TRAP1: variants seen among roughly 807,000 people sequenced by gnomAD.
The protein encoded by TRAP1 is heat shock protein 75 kDa, mitochondrial.
In TRAP1, 102 loss-of-function variants were observed where a neutral mutation model predicts 89.1. The ratio of observed to expected loss-of-function variants is 1.15; its 90% CI spans 0.98 to 1.35. The LOEUF is 1.35. TRAP1 is among the 40% of genes most tolerant of loss of function. The pLI, the probability that TRAP1 is intolerant of heterozygous loss-of-function variation, is 0.00. For missense variants in TRAP1, 1,256 were observed against 945.3 expected (o/e 1.33, Z -4.31); for synonymous variants, 508 against 388.0 (o/e 1.31, Z -3.64).
At chr16:3,669,477 T>C (rs986179914) in intron 11 of TRAP1, among the ~76,000 whole-genome samples, 2 of 152,278 alleles carry the variant, frequency 1.3e-5, no homozygotes, top group African/African-American at 4.8e-5. Flanking sequence ...TATATAGTTA[T>C]ATCTTCCGAC....
chr16:3,675,005 C>G (rs2151255146), intron 8 of TRAP1: 1 of 368,568 alleles, frequency 2.7e-6, no homozygotes, highest in Middle Eastern at 7.8e-4. Context: ...ATGGGATGTT[C>G]TGGAATTGAT....
intron 9 of TRAP1, among the ~76,000 whole-genome samples, chr16:3,673,341 C>T (rs1567229575): frequency 6.6e-6 from 1 of 152,232 alleles, no homozygotes; most frequent in African/African-American, 2.4e-5. Flanking sequence ...CTTCCTCACC[C>T]GGCAGGGTTA....
At chr16:3,688,764 A>T (rs531744084) in intron 3 of TRAP1, among the ~76,000 whole-genome samples, 1 of 152,264 alleles carries the variant, frequency 6.6e-6, no homozygotes, top group South Asian at 2.1e-4. Context: ...GTTCCCAGGC[A>T]TGAGCCACCA....
Position 3,664,314 on chromosome 16 carries a change from T to TGCTC in TRAP1, c.1525_1528dup (p.His510ArgfsTer7). 1 of 1,611,184 alleles carries TGCTC rather than the reference T, an allele frequency of 6.2e-7. No homozygotes were observed. The highest frequency in any genetic ancestry group is 8.5e-7 in the Non-Finnish European group (1 of 1,179,132). ...CTTCATGGCCTCATAGTAGGGTGAG[T>TGCTC]GCTCTGCCAGGTGACGGTTGGGGGC... On this transcript the variant is annotated frameshift_variant, in exon 13 of 18. Coordinates refer to ENST00000246957, the MANE Select transcript of TRAP1 (RefSeq NM_016292.3). LOFTEE classifies it high-confidence loss of function.
At chr16:3,670,853 C>T (rs941111346) in intron 11 of TRAP1, among the ~76,000 whole-genome samples, 4 of 152,168 alleles carry the variant, frequency 2.6e-5, no homozygotes, top group African/African-American at 9.7e-5. Context: ...CAGGAAACCA[C>T]ACTGCCCACC....
intron 9 of TRAP1, 133 bp downstream of exon 9, chr16:3,674,206 C>G: frequency 7.9e-7 from 1 of 1,262,192 alleles, no homozygotes; most frequent in Non-Finnish European, 1.1e-6. Flanking sequence ...CAGGCGTGAG[C>G]CACCACACCC....
At position 3,701,201 on chromosome 16, in the gene TRAP1, A is replaced by T. The variant is rs370353738; in HGVS notation, c.89-10216T>A. Among the ~76,000 whole-genome samples, 71 of 152,360 alleles carry T rather than the reference A, an allele frequency of 4.7e-4. No individual in the cohort carries two copies. In the South Asian group the frequency reaches 0.014, roughly 30 times the overall value. On this transcript the variant is annotated intron_variant, in intron 1 of 17. Coordinates refer to ENST00000246957, the MANE Select transcript of TRAP1 (RefSeq NM_016292.3). ...TCAAAATAAAAAATATTATTAGGAA[A>T]AAAGAAGGATATTTCAGAATACTAC...
chr16:3,674,290 G>A lies in TRAP1; in HGVS notation c.1044+49C>T, dbSNP rs1352311128. On this transcript the variant is annotated intron_variant, in intron 9 of 17. Coordinates refer to ENST00000246957, the MANE Select transcript of TRAP1 (RefSeq NM_016292.3). Reference sequence around the variant, plus strand: ...GACATCTGCAGAGCTGATGCCACAGGGGACAACAGAGTCACCCTGAGGGCC... The same window carrying A: ...GACATCTGCAGAGCTGATGCCACAGAGGACAACAGAGTCACCCTGAGGGCC... 6 of 1,602,630 alleles carry A rather than the reference G, an allele frequency of 3.7e-6. No homozygotes were observed. The Admixed American group carries it at 8.4e-5, about 22-fold the overall frequency.
At chr16:3,686,681 A>G (rs999535615) in intron 3 of TRAP1, among the ~76,000 whole-genome samples, 5 of 152,104 alleles carry the variant, frequency 3.3e-5, no homozygotes, top group African/African-American at 9.7e-5. Flanking sequence ...CTTTAAGAAG[A>G]GCCCTCTGGC....
intron 8 of TRAP1, 58 bp from the exon 9 acceptor site, chr16:3,674,552 A>C (rs775022874): frequency 6.3e-7 from 1 of 1,584,042 alleles, no homozygotes; most frequent in Admixed American, 1.7e-5. Context: ...CTTCTCCACC[A>C]CCGTGCAGGC....
At chr16:3,662,736 G>A (rs2043158659) in intron 15 of TRAP1, 146 bp downstream of exon 15, 1 of 760,766 alleles carries the variant, frequency 1.3e-6, no homozygotes, top group Non-Finnish European at 2.3e-6. Flanking sequence ...GTGCCGAGCA[G>A]GGACCCACAG....
chr16:3,658,630 G>C, intron 17 of TRAP1, 163 bp downstream of exon 17: 1 of 675,614 alleles, frequency 1.5e-6, no homozygotes. Context: ...CCAAGATCGC[G>C]CCACTGCACT....
At chr16:3,698,387 T>G (rs916251549) in intron 1 of TRAP1, among the ~76,000 whole-genome samples, 2 of 151,722 alleles carry the variant, frequency 1.3e-5, no homozygotes, top group South Asian at 2.1e-4. Flanking sequence ...CTCGGCTCAC[T>G]GCAAGCTCCG....
chr16:3,698,927 G>A lies in TRAP1; in HGVS notation c.89-7942C>T, dbSNP rs1262962520. Reference sequence around the variant, plus strand: ...ATTAAAAAAAAAATAAACCATTAGAGGAATAAATCTGCCTGAACCAGATAC... The same window carrying A: ...ATTAAAAAAAAAATAAACCATTAGAAGAATAAATCTGCCTGAACCAGATAC... On this transcript the variant is annotated intron_variant, in intron 1 of 17. Coordinates refer to ENST00000246957, the MANE Select transcript of TRAP1 (RefSeq NM_016292.3). 2.0e-5 allele frequency among the ~76,000 whole-genome samples: 3 copies of A among 152,042 alleles called. No homozygotes were observed. In the East Asian group the frequency reaches 5.8e-4, roughly 29 times the overall value.
chr16:3,674,947 G>A, intron 8 of TRAP1: 1 of 324,258 alleles, frequency 3.1e-6, no homozygotes, highest in East Asian at 6.9e-5. Flanking sequence ...GACCGTGGCT[G>A]CTGGGACTGG....
intron 3 of TRAP1, among the ~76,000 whole-genome samples, chr16:3,688,528 G>T (rs958035351): frequency 6.6e-6 from 1 of 152,058 alleles, no homozygotes; most frequent in Non-Finnish European, 1.5e-5. Context: ...TGTTGTGCAG[G>T]TCAGTGTAGT....
At chr16:3,710,800 C>T (rs190179382) in intron 1 of TRAP1, among the ~76,000 whole-genome samples, 14 of 151,324 alleles carry the variant, frequency 9.3e-5, no homozygotes, top group Non-Finnish European at 1.8e-4. Context: ...GCCTCCTGCT[C>T]TTAATATGGC....
At chr16:3,671,817 C>A (rs1306820789) in intron 10 of TRAP1, 26 bp from the exon 11 acceptor site, 1 of 1,609,678 alleles carries the variant, frequency 6.2e-7, no homozygotes. Context: ...GTCAGCTTCT[C>A]CCGGGGCTGC....
At chr16:3,661,789 C>CCAG in intron 16 of TRAP1, 198 bp downstream of exon 16, 3 of 572,956 alleles carry the variant, frequency 5.2e-6, no homozygotes, top group Middle Eastern at 4.1e-4. Context: ...TCCCAGGTGA[C>CCAG]ACCTGGGGAT....
Sources: gnomAD v4.1 joint callset for allele counts (sites outside exome capture counted in the v4.1 genomes callset) on GRCh38, gnomAD v4.1.1 for gene constraint, MANE v1.5 for transcripts, NCBI Gene and HGNC (gene_info 2026-07-23, HGNC 2026-07-21) for gene names.